CHSY3: variants seen among roughly 807,000 people sequenced by gnomAD.
CHSY3 encodes chondroitin sulfate synthase 3, also known as N-acetylgalactosaminyl-proteoglycan 3-beta-glucuronosyltransferase 3.
CHSY3 carries 35 observed loss-of-function variants against 67.2 expected under a neutral mutation model. That is an observed-to-expected ratio of 0.52 (90% CI 0.40 to 0.69). CHSY3 has a LOEUF of 0.69. CHSY3 is among the 30% of genes least tolerant of loss of function. The pLI, the probability that CHSY3 is intolerant of heterozygous loss-of-function variation, is 0.00. For missense variants in CHSY3, 1,069 were observed against 1,138.5 expected (o/e 0.94, Z 0.88); for synonymous variants, 474 against 434.7 (o/e 1.09, Z -1.12).
At chr5:129,984,579 A>C (rs1763118283) in intron 2 of CHSY3, among the ~76,000 whole-genome samples, 1 of 152,078 alleles carries the variant, frequency 6.6e-6, no homozygotes, top group Admixed American at 6.5e-5. Context: ...ATTCTATTTT[A>C]AGTTCTTTGA....
rs1770380470 is a variant in CHSY3 at position 130,185,235 on chromosome 5, G to A, written c.2093G>A (p.Gly698Asp). 6.2e-7 allele frequency: 1 copy of A among 1,605,766 alleles called. No individual in the cohort carries two copies. The highest frequency in any genetic ancestry group is 8.5e-7 in the Non-Finnish European group (1 of 1,172,586). Reference sequence around the variant, plus strand: ...CCAATGAAGGGAGAGTTTTCCAGAGGTCTTGGTCTTGAAATGGCTTCTGCC... The same window carrying A: ...CCAATGAAGGGAGAGTTTTCCAGAGATCTTGGTCTTGAAATGGCTTCTGCC... ...LIPMKGEFSR[G>D]LGLEMASAQF... is the part of the protein sequence containing the mutation. The change falls in exon 3 of 3, where the codon GGT becomes GAT. Residue 698 changes from glycine to aspartate, a missense_variant. Around this residue, in one of 5 missense-constraint regions of CHSY3, gnomAD observed 401 missense variants for 395.2 expected, o/e 1.01. Transcript: ENST00000305031.
intron 2 of CHSY3, among the ~76,000 whole-genome samples, chr5:129,916,079 A>G (rs1330404338): frequency 1.3e-5 from 2 of 152,234 alleles, no homozygotes; most frequent in Non-Finnish European, 2.9e-5. Context: ...TTATGGTCAT[A>G]GTGTACTATT....
chr5:130,144,093 G>C (rs1169525154), intron 2 of CHSY3, among the ~76,000 whole-genome samples: 3 of 150,616 alleles, frequency 2.0e-5, no homozygotes, highest in Non-Finnish European at 4.4e-5. Flanking sequence ...ATGCTTAAAG[G>C]GTTTAAGAAG....
chr5:130,077,380 T>G (rs568920181), intron 2 of CHSY3, among the ~76,000 whole-genome samples: 2 of 152,196 alleles, frequency 1.3e-5, no homozygotes, highest in Non-Finnish European at 1.5e-5. Flanking sequence ...ATGACTAGAG[T>G]GTGGCAGAAG....
At chr5:130,103,474 T>C (rs1767314680) in intron 2 of CHSY3, among the ~76,000 whole-genome samples, 1 of 152,090 alleles carries the variant, frequency 6.6e-6, no homozygotes, top group Admixed American at 6.6e-5. Flanking sequence ...GCTGCAGTTT[T>C]ATTATTGTTA....
intron 2 of CHSY3, among the ~76,000 whole-genome samples, chr5:130,129,556 A>G (rs1477010877): frequency 6.6e-6 from 1 of 152,188 alleles, no homozygotes; most frequent in Non-Finnish European, 1.5e-5. Context: ...TGTGCTATTT[A>G]TAAAACTAAT....
intron 2 of CHSY3, among the ~76,000 whole-genome samples, chr5:129,924,432 G>T (rs1761028029): frequency 6.6e-6 from 1 of 152,000 alleles, no homozygotes; most frequent in Non-Finnish European, 1.5e-5. Flanking sequence ...CGGATCACGA[G>T]ATCAAGAGAC....
At chr5:130,003,127 G>A (rs528521143) in intron 2 of CHSY3, among the ~76,000 whole-genome samples, 5 of 152,232 alleles carry the variant, frequency 3.3e-5, no homozygotes, top group East Asian at 1.9e-4. Flanking sequence ...TGATGTTGGC[G>A]ATAGTGTTGT....
At chr5:130,003,471 T>C (rs1406624240) in intron 2 of CHSY3, among the ~76,000 whole-genome samples, 1 of 152,150 alleles carries the variant, frequency 6.6e-6, no homozygotes, top group African/African-American at 2.4e-5. Flanking sequence ...GGACCTTGAA[T>C]TGGCTCAAGT....
intron 2 of CHSY3, among the ~76,000 whole-genome samples, chr5:130,088,373 T>C (rs1766744697): frequency 8.2e-6 from 1 of 122,372 alleles, no homozygotes; most frequent in Admixed American, 7.4e-5. Flanking sequence ...CAAATTAAAC[T>C]AAAGATCTAA....
intron 2 of CHSY3, among the ~76,000 whole-genome samples, chr5:129,991,128 TG>T (rs1763351286): frequency 6.6e-6 from 1 of 152,136 alleles, no homozygotes; most frequent in African/African-American, 2.4e-5. Context: ...GCATAATTCC[TG>T]GGATGGTGAC....
intron 2 of CHSY3, among the ~76,000 whole-genome samples, chr5:129,914,190 A>C (rs1338684417): frequency 1.3e-5 from 2 of 152,054 alleles, no homozygotes; most frequent in Admixed American, 6.6e-5. Context: ...GGCTCACTGC[A>C]ACCTCCCCCT....
intron 2 of CHSY3, chr5:130,140,832 C>A: frequency 3.9e-6 from 1 of 253,606 alleles, no homozygotes; most frequent in South Asian, 9.3e-5. Context: ...TGTGAATGTG[C>A]TAAGCATATT....
chr5:129,977,483 A>G (rs980281915), intron 2 of CHSY3, among the ~76,000 whole-genome samples: 2 of 152,204 alleles, frequency 1.3e-5, no homozygotes, highest in African/African-American at 2.4e-5. Flanking sequence ...AGTTGAATAT[A>G]TATTTGTCTA....
At chr5:130,021,347 C>A (rs1373933621) in intron 2 of CHSY3, among the ~76,000 whole-genome samples, 1 of 152,102 alleles carries the variant, frequency 6.6e-6, no homozygotes, top group Non-Finnish European at 1.5e-5. Flanking sequence ...ACCTAACCAG[C>A]ATATTGGAGA....
intron 2 of CHSY3, among the ~76,000 whole-genome samples, chr5:130,084,436 T>C (rs1766544583): frequency 6.6e-6 from 1 of 151,802 alleles, no homozygotes; most frequent in Non-Finnish European, 1.5e-5. Flanking sequence ...TGTAAAATAT[T>C]TGAAAAAATT....
At chr5:130,072,726 T>C (rs1186715998) in intron 2 of CHSY3, among the ~76,000 whole-genome samples, 1 of 152,158 alleles carries the variant, frequency 6.6e-6, no homozygotes, top group Non-Finnish European at 1.5e-5. Context: ...TAAGAATGCA[T>C]TGAAATTGTA....
intron 2 of CHSY3, among the ~76,000 whole-genome samples, chr5:129,997,859 A>T (rs1405725132): frequency 6.6e-6 from 1 of 152,160 alleles, no homozygotes; most frequent in South Asian, 2.1e-4. Context: ...TTATGGCTGC[A>T]TAGTATTCCA....
At chr5:129,954,345 GT>G (rs1235316966) in intron 2 of CHSY3, among the ~76,000 whole-genome samples, 1 of 152,004 alleles carries the variant, frequency 6.6e-6, no homozygotes. Flanking sequence ...CTATATATCT[GT>G]TTTGGTACCA....
Sources: gnomAD v4.1 joint callset for allele counts (sites outside exome capture counted in the v4.1 genomes callset) on GRCh38, gnomAD v4.1.1 for gene constraint, gnomAD v4.1.1 regional missense constraint, MANE v1.5 for transcripts, NCBI Gene and HGNC (gene_info 2026-07-23, HGNC 2026-07-21) for gene names.